Variants in HUNK observed in about 807,000 individuals in gnomAD.
The protein encoded by HUNK is hormonally up-regulated neu tumor-associated kinase.
HUNK carries 21 observed loss-of-function variants against 61.0 expected under a neutral mutation model. The ratio of observed to expected loss-of-function variants is 0.34; its 90% CI spans 0.24 to 0.50. The LOEUF is 0.50. Ranked by LOEUF, HUNK falls within the 20% of genes least tolerant of loss-of-function variation. HUNK has a pLI of 0.98. For missense variants in HUNK, 772 were observed against 945.7 expected, an observed-to-expected ratio of 0.82 and a Z score of 2.41; for synonymous variants, 371 against 386.1, an observed-to-expected ratio of 0.96 and a Z score of 0.46.
chr21:31,873,685 C>A lies in HUNK; in HGVS notation c.11C>A (p.Ala4Glu). 12 of 1,039,918 alleles carry A rather than the reference C, an allele frequency of 1.2e-5. No individual in the cohort carries two copies. The highest frequency in any genetic ancestry group is 1.4e-5 in the Non-Finnish European group (12 of 866,048). 64.4% of individuals were successfully genotyped at this position (1,039,918 alleles called of 1,614,324 possible). A position where few individuals can be genotyped will look rare whatever the true frequency, so the allele number is the denominator to read the frequency against. MPA[A>E]AGDGLLGEPA... ...GCCGCGGCGAGCGCGATGCCGGCGG[C>A]GGCGGGGGACGGGCTCCTGGGGGAG... is the stretch of plus-strand genomic sequence containing the variant. Residue 4 changes from alanine (A) to glutamate (E), a missense_variant, in exon 1 of 11, where the codon GCG (alanine) becomes GAG (glutamate). Coordinates refer to ENST00000270112, the MANE Select transcript of HUNK (RefSeq NM_014586.2). This position sits in a 1 kb window ranked among gnomAD's most constrained non-coding sequence, Gnocchi z 6.1.
intron 8 of HUNK, among the ~76,000 whole-genome samples, 155 bp downstream of exon 8, chr21:31,983,764 G>A (rs1027973523): frequency 5.3e-5 from 8 of 152,162 alleles, no homozygotes; most frequent in African/African-American, 9.7e-5. Context: ...GGTTTACAGC[G>A]GAACCAGCTT....
At chr21:31,974,362 A>G (rs1027827842) in intron 6 of HUNK, 193 bp from the exon 7 acceptor site, 3 of 456,376 alleles carry the variant, frequency 6.6e-6, no homozygotes, top group Admixed American at 7.7e-5. Context: ...TCACTGGTAT[A>G]TCTAGATGAT....
intron 5 of HUNK, among the ~76,000 whole-genome samples, chr21:31,967,075 G>A (rs1251512768): frequency 6.6e-6 from 1 of 152,156 alleles, no homozygotes; most frequent in Admixed American, 6.5e-5. Context: ...TGGGTTGGGT[G>A]TGGTGGCTTA....
chr21:31,912,838 G>A (rs192646245), intron 1 of HUNK, among the ~76,000 whole-genome samples: 4 of 152,230 alleles, frequency 2.6e-5, no homozygotes, highest in Non-Finnish European at 4.4e-5. Context: ...CATCACGATC[G>A]CACACAAGCT....
intron 3 of HUNK, among the ~76,000 whole-genome samples, chr21:31,940,575 G>C (rs764862423): frequency 6.6e-6 from 1 of 152,194 alleles, no homozygotes; most frequent in Non-Finnish European, 1.5e-5. Flanking sequence ...GATGCCTAAA[G>C]TAAGGGAGAA....
intron 8 of HUNK, among the ~76,000 whole-genome samples, chr21:31,986,641 G>A (rs1459628730): frequency 6.6e-6 from 1 of 152,104 alleles, no homozygotes; most frequent in Non-Finnish European, 1.5e-5. Context: ...CTAGCCACAT[G>A]GCCCACACAC....
intron 1 of HUNK, among the ~76,000 whole-genome samples, chr21:31,888,235 C>T (rs1367605667): frequency 6.6e-6 from 1 of 152,094 alleles, no homozygotes; most frequent in Non-Finnish European, 1.5e-5. Context: ...CTGCAGGTTT[C>T]CGAATAACAG....
At chr21:31,993,222 C>T (rs1385972010) in intron 9 of HUNK, among the ~76,000 whole-genome samples, 1 of 152,222 alleles carries the variant, frequency 6.6e-6, no homozygotes, top group Admixed American at 6.5e-5. Context: ...CACAGCAAAC[C>T]CCCACGCATT....
chr21:31,940,655 A>G (rs1380403252), intron 3 of HUNK, among the ~76,000 whole-genome samples: 1 of 152,182 alleles, frequency 6.6e-6, no homozygotes, highest in Non-Finnish European at 1.5e-5. Flanking sequence ...CTGTGCAGAG[A>G]AGTCCCCACA....
At chr21:31,935,047 C>G (rs1438322585) in intron 2 of HUNK, among the ~76,000 whole-genome samples, 1 of 152,044 alleles carries the variant, frequency 6.6e-6, no homozygotes, top group African/African-American at 2.4e-5. Flanking sequence ...TCATTTGTGT[C>G]CTCTTTGATC....
At chr21:31,968,686 G>A (rs9977457) in intron 6 of HUNK, among the ~76,000 whole-genome samples, 81,572 of 150,462 alleles carry the variant, frequency 0.54, 22,563 homozygotes, top group South Asian at 0.61. Context: ...AGTTCACACA[G>A]AGGGACCTTT....
At chr21:31,878,232 C>T (rs111742453) in intron 1 of HUNK, among the ~76,000 whole-genome samples, 8,988 of 135,848 alleles carry the variant, frequency 0.066, 364 homozygotes, top group Middle Eastern at 0.12. Context: ...GCACTCCAGC[C>T]TGGGTGACAG....
chr21:31,962,412 T>C (rs2052935434), intron 5 of HUNK, among the ~76,000 whole-genome samples: 2 of 152,226 alleles, frequency 1.3e-5, no homozygotes, highest in Non-Finnish European at 2.9e-5. Context: ...GGGCTCTAAG[T>C]GTTTTTTGTG....
At chr21:31,918,995 ACTGAGCGGT>A (rs1448928921) in intron 1 of HUNK, among the ~76,000 whole-genome samples, 8,274 of 147,340 alleles carry the variant, frequency 0.056, 1,268 homozygotes, top group Middle Eastern at 0.098. Flanking sequence ...GAGGGGCTGG[ACTGAGCGGT>A]ATGAGGAGGA....
chr21:32,003,961 G>C lies in HUNK; in HGVS notation c.*4777G>C, dbSNP rs768973450. ...TTGGAAGGATAGAATAGCTTTATGT[G>C]GAGCAAACTTGAGGATCAATTGGAG... On this transcript the variant is annotated 3_prime_UTR_variant, in exon 11 of 11. Transcript: ENST00000270112. 1.3e-5 allele frequency: 2 copies of C among 152,124 alleles called. No homozygotes were observed. The highest frequency in any genetic ancestry group is 1.3e-4 in the Admixed American group (2 of 15,276). The allele number at this position is 152,124 out of a possible 1,614,324, so 9.4% of individuals were successfully genotyped here.
At chr21:31,957,557 A>G (rs2052897899) in intron 4 of HUNK, among the ~76,000 whole-genome samples, 1 of 152,200 alleles carries the variant, frequency 6.6e-6, no homozygotes, top group Non-Finnish European at 1.5e-5. Context: ...TAGAAATCTT[A>G]GTGCCTGTTT....
chr21:31,978,615 A>G (rs779387747), intron 7 of HUNK, among the ~76,000 whole-genome samples: 55 of 152,344 alleles, frequency 3.6e-4, no homozygotes, highest in Middle Eastern at 3.4e-3. Flanking sequence ...TTCACTTAGC[A>G]TAATGTCCTC....
In HUNK at chr21:31,968,268, G is replaced by A. The variant is rs767295727; in HGVS notation, c.893G>A (p.Arg298His). 2.5e-6 allele frequency: 4 copies of A among 1,614,114 alleles called. No homozygotes were observed. Among genetic ancestry groups the A allele is most frequent in the East Asian group, 2.2e-5 (1 of 44,882 alleles). Residue 298 changes from arginine to histidine, a missense_variant, in exon 6 of 11, where the codon CGC (arginine) becomes CAC (histidine). Arg to His is a conservative substitution (Grantham distance 29, BLOSUM62 0). This residue lies in a region of HUNK where 359 missense variants were observed against 501.3 expected (regional missense o/e 0.72). Coordinates refer to ENST00000270112, the MANE Select transcript of HUNK (RefSeq NM_014586.2). ...CTCCCAGGTGCCATCAGTTTCCTGCGCTCTCTCCTGGAACCGGATCCTGTG... is the reference window on the plus strand; with the variant it reads ...CTCCCAGGTGCCATCAGTTTCCTGCACTCTCTCCTGGAACCGGATCCTGTG... ...QLSTGAISFL[R>H]SLLEPDPVKR...
rs190059545 is a variant in HUNK, at chr21:31,977,944, C to T, written c.1173+3227C>T. On this transcript the variant is annotated intron_variant, in intron 7 of 10. Transcript: ENST00000270112. The stretch of plus-strand genomic sequence containing the variant: ...AACTCCTGGGCTCAAGCAGTCCGCC[C>T]GCCTAGGCCTCCCAAAGCGCTGGGA... Among the ~76,000 whole-genome samples, 34 of 152,332 alleles carry T rather than the reference C, an allele frequency of 2.2e-4. No individual in the cohort carries two copies. In the East Asian group the frequency reaches 5.8e-3, roughly 26 times the overall value.
Sources: allele counts gnomAD v4.1 joint callset (sites outside exome capture counted in the v4.1 genomes callset), GRCh38; gene constraint gnomAD v4.1.1; regional missense constraint gnomAD v4.1.1; non-coding constraint Gnocchi (gnomAD v3.1); transcripts MANE v1.5; gene names NCBI Gene and HGNC (gene_info 2026-07-23, HGNC 2026-07-21).